The following AFG1L variants were observed in gnomAD, a reference collection of about 807,000 sequenced individuals.
AFG1L encodes AFG1-like ATPase.
In AFG1L, 53 loss-of-function variants were observed where a neutral mutation model predicts 62.2. That is an observed-to-expected ratio of 0.85 (90% CI 0.68 to 1.07). The LOEUF (loss-of-function observed/expected upper bound fraction) is 1.07. Ranked by LOEUF, AFG1L falls within the 50% of genes least tolerant of loss-of-function variation. The pLI is 0.00. For missense variants in AFG1L, 555 were observed against 590.5 expected (o/e 0.94, Z 0.62); for synonymous variants, 228 against 210.3 (o/e 1.08, Z -0.73).
At position 108,522,569 on chromosome 6, in the gene AFG1L, G is replaced by A. The variant is rs1449598954; in HGVS notation, c.*144G>A. 22 of 808,478 alleles carry A rather than the reference G, an allele frequency of 2.7e-5. No homozygotes were observed. Among genetic ancestry groups the A allele is most frequent in the Non-Finnish European group, 4.0e-5 (22 of 554,138 alleles). The allele number at this position is 808,478 out of a possible 1,614,324, so 50.1% of individuals were successfully genotyped here. On this transcript the variant is annotated 3_prime_UTR_variant, in exon 13 of 13. Transcript: ENST00000368977. The stretch of plus-strand genomic sequence containing the variant: ...ATTTTAATCTAAAATTGCTCTCAAG[G>A]ATCTAGTGGATTAGTAAGTTAAACA...
chr6:108,510,093 C>T (rs770063001), intron 10 of AFG1L, 119 bp from the exon 11 acceptor site: 3 of 694,430 alleles, frequency 4.3e-6, no homozygotes, highest in Non-Finnish European at 6.9e-6. Flanking sequence ...GGTCAAGTTA[C>T]CCACAGCTAC....
At chr6:108,310,488 T>C (rs1190798113) in intron 1 of AFG1L, among the ~76,000 whole-genome samples, 1 of 152,134 alleles carries the variant, frequency 6.6e-6, no homozygotes, top group Non-Finnish European at 1.5e-5. Flanking sequence ...ATTGTAAAAG[T>C]TCTTTATATA....
At chr6:108,347,835 A>AT (rs1033782844) in intron 3 of AFG1L, among the ~76,000 whole-genome samples, 27 of 151,528 alleles carry the variant, frequency 1.8e-4, no homozygotes, top group Non-Finnish European at 3.2e-4. Flanking sequence ...TTTAATTTTA[A>AT]TTTTTTCTAA....
chr6:108,508,153 G>A (rs1774495663), intron 10 of AFG1L, among the ~76,000 whole-genome samples: 1 of 152,344 alleles, frequency 6.6e-6, no homozygotes, highest in African/African-American at 2.4e-5. Flanking sequence ...GGAAGATGAT[G>A]TAATTTGCCA....
chr6:108,415,992 G>A (rs1393674109), intron 7 of AFG1L, among the ~76,000 whole-genome samples: 1 of 152,170 alleles, frequency 6.6e-6, no homozygotes, highest in Non-Finnish European at 1.5e-5. Flanking sequence ...GCAACCTACA[G>A]AATGGGAGGA....
At chr6:108,338,744 C>T (rs1261533500) in intron 2 of AFG1L, among the ~76,000 whole-genome samples, 1 of 152,174 alleles carries the variant, frequency 6.6e-6, no homozygotes, top group Non-Finnish European at 1.5e-5. Context: ...ATGCTTTATG[C>T]AATAAACTTT....
At chr6:108,513,549 G>C (rs989644449) in intron 11 of AFG1L, among the ~76,000 whole-genome samples, 1 of 152,194 alleles carries the variant, frequency 6.6e-6, no homozygotes, top group African/African-American at 2.4e-5. Flanking sequence ...ACTGCAAGGC[G>C]GCAGCGAGGA....
chr6:108,400,870 T>C (rs1053742394), intron 6 of AFG1L, among the ~76,000 whole-genome samples: 735 of 39,500 alleles, frequency 0.019, 11 homozygotes, highest in African/African-American at 0.15. Context: ...ATATATAAAA[T>C]ATATATTTAT....
At chr6:108,306,127 C>A (rs538701911) in intron 1 of AFG1L, among the ~76,000 whole-genome samples, 1 of 152,204 alleles carries the variant, frequency 6.6e-6, no homozygotes, top group Non-Finnish European at 1.5e-5. Flanking sequence ...TAGCCTTGAA[C>A]TCCTGACTTC....
At chr6:108,394,144 CCCTCCCCTCT>C (rs1386309875) in intron 6 of AFG1L, among the ~76,000 whole-genome samples, 2 of 144,366 alleles carry the variant, frequency 1.4e-5, no homozygotes, top group Non-Finnish European at 3.1e-5. Flanking sequence ...CCCTCCCCTC[CCCTCCCCTCT>C]CCTCTCCTTT....
chr6:108,494,260 G>A (rs192582767), intron 10 of AFG1L, among the ~76,000 whole-genome samples: 92 of 151,982 alleles, frequency 6.1e-4, no homozygotes, highest in African/African-American at 2.1e-3. Context: ...GATGTGGCTT[G>A]TGTCTTGAGA....
chr6:108,301,412 G>A (rs1271712829), intron 1 of AFG1L, among the ~76,000 whole-genome samples: 1 of 152,160 alleles, frequency 6.6e-6, no homozygotes, highest in African/African-American at 2.4e-5. Flanking sequence ...CCCTTAATAA[G>A]TGTTGAAGAG....
intron 7 of AFG1L, among the ~76,000 whole-genome samples, chr6:108,417,093 G>T (rs1312944009): frequency 6.6e-6 from 1 of 151,634 alleles, no homozygotes; most frequent in East Asian, 1.9e-4. Context: ...ATTTAGTCAG[G>T]CATGGTGGTG....
intron 1 of AFG1L, among the ~76,000 whole-genome samples, chr6:108,302,977 T>G (rs1334741488): frequency 6.6e-6 from 1 of 151,942 alleles, no homozygotes; most frequent in Non-Finnish European, 1.5e-5. Context: ...GGAGTTTCGC[T>G]CTGTCACCCA....
chr6:108,518,185 T>C (rs1582695876), intron 11 of AFG1L, among the ~76,000 whole-genome samples: 1 of 152,212 alleles, frequency 6.6e-6, no homozygotes, highest in Admixed American at 6.5e-5. Context: ...ATCATGCTGC[T>C]ATAAAGACAC....
chr6:108,405,342 A>C (rs1417191338), intron 7 of AFG1L, among the ~76,000 whole-genome samples: 2 of 152,158 alleles, frequency 1.3e-5, no homozygotes, highest in Non-Finnish European at 2.9e-5. Flanking sequence ...ACATAACAAA[A>C]ATTACTATTT....
intron 7 of AFG1L, among the ~76,000 whole-genome samples, chr6:108,422,271 G>T (rs1178773121): frequency 6.6e-6 from 1 of 151,744 alleles, no homozygotes; most frequent in Non-Finnish European, 1.5e-5. Context: ...GGGAAGTCAA[G>T]AAATTATTCT....
intron 7 of AFG1L, among the ~76,000 whole-genome samples, chr6:108,445,631 GGTGA>G (rs1209648380): frequency 1.1e-4 from 12 of 110,372 alleles, no homozygotes; most frequent in African/African-American, 4.3e-4. Flanking sequence ...GGACACCTAA[GGTGA>G]GAGAGAGAGA....
rs1777946955 is a variant in AFG1L at position 108,324,364 on chromosome 6, G to T, written c.363+316G>T. Among the ~76,000 whole-genome samples the T allele has an allele frequency of 2.6e-5, 4 of 152,224 alleles. No homozygotes were observed. In the South Asian group the frequency reaches 8.3e-4, roughly 32 times the overall value. On this transcript the variant is annotated intron_variant, in intron 2 of 12. Coordinates refer to ENST00000368977, the MANE Select transcript of AFG1L (RefSeq NM_145315.5). ...AGGGATCAGCAGTGGAAAAGGAGGA[G>T]TGATGTGTTCTTTCCCTTTTCTTCC...
Sources: gnomAD v4.1 joint callset for allele counts (sites outside exome capture counted in the v4.1 genomes callset) on GRCh38, gnomAD v4.1.1 for gene constraint, MANE v1.5 for transcripts, NCBI Gene and HGNC (gene_info 2026-07-23, HGNC 2026-07-21) for gene names.